Variants in CSMD1 observed in about 807,000 individuals in gnomAD.
The protein encoded by CSMD1 is CUB and Sushi multiple domains 1.
In CSMD1, 213 loss-of-function variants were observed where a neutral mutation model predicts 417.5. The observed-to-expected ratio is 0.51, with a 90% CI of 0.46 to 0.57. The LOEUF is 0.57. CSMD1 is among the 20% of genes least tolerant of loss of function. The pLI, the probability that CSMD1 is intolerant of heterozygous loss-of-function variation, is 0.00. For missense variants in CSMD1, 6,923 were observed against 4,529.7 expected, an observed-to-expected ratio of 1.53 and a Z score of -15.17; for synonymous variants, 2,862 against 1,736.8, an observed-to-expected ratio of 1.65 and a Z score of -16.11.
At chr8:4,293,802 T>C (rs967926381) in intron 3 of CSMD1, among the ~76,000 whole-genome samples, 3 of 152,212 alleles carry the variant, frequency 2.0e-5, no homozygotes, top group Admixed American at 6.5e-5. Context: ...TGAAGCAAAA[T>C]GAACATGCAT....
intron 25 of CSMD1, among the ~76,000 whole-genome samples, chr8:3,286,182 T>C (rs1181128147): frequency 6.6e-6 from 1 of 152,196 alleles, no homozygotes; most frequent in Non-Finnish European, 1.5e-5. Context: ...CTGCATAGCA[T>C]TCCATGGCGT....
At position 3,659,927 on chromosome 8, in the gene CSMD1, T is replaced by C. The variant is rs548324282; in HGVS notation, c.1010-43130A>G. ...ATTTCCAAGAAAGAGCATATCTTCATTGTGTAATCTAAAAGAATTGCAATA... is the reference window on the plus strand; with the variant it reads ...ATTTCCAAGAAAGAGCATATCTTCACTGTGTAATCTAAAAGAATTGCAATA... On this transcript the variant is annotated intron_variant, in intron 7 of 69. Coordinates refer to ENST00000635120, the MANE Select transcript of CSMD1 (RefSeq NM_033225.6). 1.2e-4 allele frequency among the ~76,000 whole-genome samples: 18 copies of C among 152,304 alleles called. 3 individuals carry two copies. The South Asian group carries it at 3.1e-3, about 26-fold the overall frequency.
chr8:4,076,893 G>C (rs1008906665), intron 3 of CSMD1, among the ~76,000 whole-genome samples: 2 of 152,002 alleles, frequency 1.3e-5, no homozygotes, highest in Non-Finnish European at 2.9e-5. Flanking sequence ...CCAGTCTGAA[G>C]AACTACTGAA....
intron 7 of CSMD1, among the ~76,000 whole-genome samples, chr8:3,681,385 T>C (rs1265493966): frequency 6.6e-6 from 1 of 152,156 alleles, no homozygotes; most frequent in Non-Finnish European, 1.5e-5. Context: ...AGCATTCTTA[T>C]ACACCAATAA....
intron 2 of CSMD1, among the ~76,000 whole-genome samples, chr8:4,595,470 G>T (rs73502516): frequency 0.028 from 4,235 of 151,260 alleles, 91 homozygotes; most frequent in African/African-American, 0.062. Flanking sequence ...CTGGTTCTGT[G>T]GCTTCCTTTG....
chr8:4,599,648 G>T (rs539367861), intron 2 of CSMD1, among the ~76,000 whole-genome samples: 1 of 151,964 alleles, frequency 6.6e-6, no homozygotes, highest in Non-Finnish European at 1.5e-5. Flanking sequence ...TAGACATTTG[G>T]TTATTTGTAG....
chr8:3,168,632 C>CACACACACACAG (rs1554448534), intron 37 of CSMD1, among the ~76,000 whole-genome samples: 1 of 56,022 alleles, frequency 1.8e-5, no homozygotes, highest in South Asian at 1.1e-3. Context: ...AAGTCTTCAT[C>CACACACACACAG]ACACACACAC....
intron 1 of CSMD1, among the ~76,000 whole-genome samples, chr8:4,846,213 T>C (rs1013443589): frequency 3.3e-5 from 5 of 152,350 alleles, no homozygotes; most frequent in Middle Eastern, 3.4e-3. Context: ...ATCTTTTTTT[T>C]CTTTTTGACC....
chr8:4,175,579 A>G (rs1396825603), intron 3 of CSMD1, among the ~76,000 whole-genome samples: 2 of 152,162 alleles, frequency 1.3e-5, no homozygotes, highest in Non-Finnish European at 2.9e-5. Flanking sequence ...TGAAAGGTAT[A>G]TTAGGAGAGT....
chr8:4,216,815 C>G (rs987843112), intron 3 of CSMD1, among the ~76,000 whole-genome samples: 1 of 152,098 alleles, frequency 6.6e-6, no homozygotes, highest in Non-Finnish European at 1.5e-5. Flanking sequence ...AATTCCAACA[C>G]AAGAAAGAGG....
At chr8:3,161,143 G>GT (rs1819867196) in intron 38 of CSMD1, among the ~76,000 whole-genome samples, 1 of 152,046 alleles carries the variant, frequency 6.6e-6, no homozygotes, top group East Asian at 1.9e-4. Flanking sequence ...TACATGTTTT[G>GT]ATTATCAATT....
At chr8:4,075,235 G>A (rs1003015968) in intron 3 of CSMD1, among the ~76,000 whole-genome samples, 1 of 151,982 alleles carries the variant, frequency 6.6e-6, no homozygotes, top group African/African-American at 2.4e-5. Flanking sequence ...GCAGCTTAAG[G>A]ACTTAGGATA....
chr8:4,657,091 G>C (rs976861531), intron 1 of CSMD1, among the ~76,000 whole-genome samples: 3 of 152,092 alleles, frequency 2.0e-5, no homozygotes, highest in Admixed American at 6.6e-5. Context: ...GAAAAGCTAG[G>C]CACAGATTTT....
At chr8:4,289,844 G>T (rs1473774959) in intron 3 of CSMD1, among the ~76,000 whole-genome samples, 1 of 152,184 alleles carries the variant, frequency 6.6e-6, no homozygotes, top group East Asian at 1.9e-4. Context: ...CTGGCTCAGA[G>T]TAGATATTCA....
At chr8:4,584,318 C>T (rs538330992) in intron 2 of CSMD1, among the ~76,000 whole-genome samples, 13 of 151,986 alleles carry the variant, frequency 8.6e-5, no homozygotes, top group South Asian at 2.1e-4. Flanking sequence ...CGTCGCCTAT[C>T]GCCGAGTAGT....
intron 33 of CSMD1, among the ~76,000 whole-genome samples, chr8:3,197,492 G>A (rs1174669627): frequency 7.2e-6 from 1 of 139,192 alleles, no homozygotes; most frequent in Non-Finnish European, 1.5e-5. Flanking sequence ...TTGAGACGGA[G>A]TCTCGCTCTG....
At chr8:4,333,269 G>A (rs1054873203) in intron 3 of CSMD1, among the ~76,000 whole-genome samples, 3 of 152,062 alleles carry the variant, frequency 2.0e-5, no homozygotes, top group African/African-American at 4.8e-5. Flanking sequence ...AGCCAATCCT[G>A]ACGCTAAGTC....
chr8:4,868,260 G>A (rs1472922317), intron 1 of CSMD1, among the ~76,000 whole-genome samples: 12 of 152,198 alleles, frequency 7.9e-5, no homozygotes, highest in African/African-American at 2.9e-4. Flanking sequence ...TTAAGACAGA[G>A]TTTCACACTT....
chr8:4,881,411 A>ATGTC (rs1554509736), intron 1 of CSMD1, among the ~76,000 whole-genome samples: 105 of 134,884 alleles, frequency 7.8e-4, no homozygotes, highest in Admixed American at 4.9e-3. Flanking sequence ...CCTAGTATAC[A>ATGTC]TATCTATCTA....
Sources: gnomAD v4.1 joint callset for allele counts (sites outside exome capture counted in the v4.1 genomes callset) on GRCh38, gnomAD v4.1.1 for gene constraint, MANE v1.5 for transcripts, NCBI Gene and HGNC (gene_info 2026-07-23, HGNC 2026-07-21) for gene names.